CDH12: variants seen among roughly 807,000 people sequenced by gnomAD.
CDH12 encodes the protein cadherin-12.
A neutral mutation model predicts 74.1 loss-of-function variants in CDH12; 41 were observed. The ratio of observed to expected loss-of-function variants is 0.55; its 90% CI spans 0.43 to 0.72. CDH12 has a LOEUF of 0.72. Ranked by LOEUF, CDH12 falls within the 30% of genes least tolerant of loss-of-function variation. The pLI is 0.00. For synonymous variants in CDH12, 399 were observed against 355.0 expected (o/e 1.12, Z -1.39); for missense variants, 945 against 977.2 (o/e 0.97, Z 0.44).
intron 1 of CDH12, among the ~76,000 whole-genome samples, chr5:22,843,652 A>G (rs556841424): frequency 9.1e-4 from 137 of 150,216 alleles, no homozygotes; most frequent in African/African-American, 3.2e-3. Context: ...GTGTGTATGC[A>G]TACACATGGG....
At chr5:22,418,655 G>C (rs186279069) in intron 2 of CDH12, among the ~76,000 whole-genome samples, 1 of 152,070 alleles carries the variant, frequency 6.6e-6, no homozygotes, top group African/African-American at 2.4e-5. Context: ...AGGCCAAAGC[G>C]GGAGGTTCAC....
chr5:22,057,065 T>C (rs1332902230), intron 5 of CDH12, among the ~76,000 whole-genome samples: 1 of 152,198 alleles, frequency 6.6e-6, no homozygotes, highest in East Asian at 1.9e-4. Context: ...TTAATAAGGC[T>C]CAGCATTTTC....
chr5:22,012,590 T>A (rs1005018621), intron 5 of CDH12, among the ~76,000 whole-genome samples: 17 of 152,154 alleles, frequency 1.1e-4, no homozygotes, highest in Non-Finnish European at 2.1e-4. Flanking sequence ...CTATGGAGAA[T>A]TGTAATAGAG....
chr5:22,236,120 T>C (rs1355128515), intron 3 of CDH12, among the ~76,000 whole-genome samples: 1 of 152,224 alleles, frequency 6.6e-6, no homozygotes, highest in East Asian at 1.9e-4. Flanking sequence ...AACTGAAATT[T>C]GCCCTGTGTG....
intron 7 of CDH12, among the ~76,000 whole-genome samples, chr5:21,842,847 C>T (rs1242068553): frequency 6.6e-6 from 1 of 152,016 alleles, no homozygotes; most frequent in Non-Finnish European, 1.5e-5. Context: ...TTTCAGAATT[C>T]CCGTTAGTTA....
At chr5:22,001,531 C>A (rs1279395623) in intron 5 of CDH12, among the ~76,000 whole-genome samples, 1 of 151,964 alleles carries the variant, frequency 6.6e-6, no homozygotes, top group Non-Finnish European at 1.5e-5. Context: ...TTCAGGAGTA[C>A]ATGTGCAGGT....
chr5:22,066,945 C>T (rs936431295), intron 5 of CDH12, among the ~76,000 whole-genome samples: 1 of 152,158 alleles, frequency 6.6e-6, no homozygotes, highest in Non-Finnish European at 1.5e-5. Context: ...ATCAGCACAT[C>T]CCCTGGTACC....
chr5:21,779,914 A>C (rs780139769), intron 11 of CDH12, among the ~76,000 whole-genome samples: 2 of 152,196 alleles, frequency 1.3e-5, no homozygotes. Context: ...TAGAATCTTT[A>C]ATTACCACTT....
At chr5:22,835,615 T>C (rs1016320755) in intron 1 of CDH12, among the ~76,000 whole-genome samples, 13 of 152,184 alleles carry the variant, frequency 8.5e-5, no homozygotes, top group African/African-American at 2.9e-4. Flanking sequence ...TTTTCTATGG[T>C]ATTATTTTAC....
At chr5:22,655,129 A>G (rs926999052) in intron 1 of CDH12, among the ~76,000 whole-genome samples, 3 of 152,306 alleles carry the variant, frequency 2.0e-5, no homozygotes, top group East Asian at 1.9e-4. Context: ...GACCCTATCA[A>G]TCATGAAGCA....
At chr5:21,895,596 C>A (rs569931253) in intron 6 of CDH12, among the ~76,000 whole-genome samples, 1 of 152,170 alleles carries the variant, frequency 6.6e-6, no homozygotes, top group Non-Finnish European at 1.5e-5. Flanking sequence ...CACACAGCTG[C>A]GCTTTTCTTT....
intron 1 of CDH12, among the ~76,000 whole-genome samples, chr5:22,777,962 C>T (rs1435999171): frequency 6.6e-6 from 1 of 151,992 alleles, no homozygotes; most frequent in African/African-American, 2.4e-5. Context: ...TGTGCCACCA[C>T]TCCAAGCTAA....
intron 3 of CDH12, among the ~76,000 whole-genome samples, chr5:22,356,798 T>C (rs1740580331): frequency 6.6e-6 from 1 of 152,112 alleles, no homozygotes; most frequent in African/African-American, 2.4e-5. Context: ...ATGATTCTCT[T>C]GGTAAGATGA....
intron 3 of CDH12, among the ~76,000 whole-genome samples, chr5:22,314,331 C>T (rs1043597310): frequency 6.6e-6 from 1 of 152,120 alleles, no homozygotes; most frequent in East Asian, 1.9e-4. Context: ...GAGATAAGCT[C>T]TTTGAAGAGG....
intron 11 of CDH12, chr5:21,779,316 T>G (rs2149893555): frequency 1.3e-5 from 2 of 152,258 alleles, no homozygotes; most frequent in Middle Eastern, 6.8e-3. Context: ...TCCTCCCACC[T>G]CAGCCTCTTG....
intron 1 of CDH12, among the ~76,000 whole-genome samples, chr5:22,713,430 C>A (rs563140028): frequency 1.7e-4 from 26 of 151,898 alleles, no homozygotes; most frequent in African/African-American, 5.8e-4. Context: ...CATGAGCCAC[C>A]GCACCCGGCC....
chr5:21,924,137 G>A (rs1274563692), intron 6 of CDH12, among the ~76,000 whole-genome samples: 2 of 152,184 alleles, frequency 1.3e-5, no homozygotes, highest in Non-Finnish European at 2.9e-5. Flanking sequence ...ACTAAAAGTA[G>A]TTATAATTAT....
intron 1 of CDH12, among the ~76,000 whole-genome samples, chr5:22,845,442 G>A (rs1737258287): frequency 6.6e-6 from 1 of 152,128 alleles, no homozygotes; most frequent in Non-Finnish European, 1.5e-5. Context: ...GTGAATTTAT[G>A]CACTCTTATC....
At chr5:21,809,189 A>C (rs760761087) in intron 9 of CDH12, among the ~76,000 whole-genome samples, 9 of 152,126 alleles carry the variant, frequency 5.9e-5, no homozygotes, top group Non-Finnish European at 1.0e-4. Context: ...AATTATCTTA[A>C]GAATCATGGT....
Sources: allele counts gnomAD v4.1 joint callset (sites outside exome capture counted in the v4.1 genomes callset), GRCh38; gene constraint gnomAD v4.1.1; transcripts MANE v1.5; gene names NCBI Gene and HGNC (gene_info 2026-07-23, HGNC 2026-07-21).